XYLB: variants seen among roughly 807,000 people sequenced by gnomAD.
The protein encoded by XYLB is xylulose kinase.
In XYLB, 62 loss-of-function variants were observed where a neutral mutation model predicts 78.7. The ratio of observed to expected loss-of-function variants is 0.79; its 90% CI spans 0.64 to 0.97. The LOEUF (loss-of-function observed/expected upper bound fraction) is 0.97, where lower values mean the gene tolerates loss of function less well. XYLB is among the 50% of genes least tolerant of loss of function. The probability of loss-of-function intolerance (pLI) is 0.00; values close to 1 mark genes in which losing one functional copy is unlikely to be tolerated. For synonymous variants in XYLB, 245 were observed against 247.4 expected (o/e 0.99, Z 0.09); for missense variants, 687 against 676.8 (o/e 1.02, Z -0.17).
chr3:38,398,712 C>CTT (rs56266064), intron 17 of XYLB, among the ~76,000 whole-genome samples: 6 of 141,956 alleles, frequency 4.2e-5, no homozygotes, highest in African/African-American at 1.3e-4. Flanking sequence ...GTTACTTTGT[C>CTT]TTTTTTTTTT....
At chr3:38,420,773 C>T (rs949536931), downstream of XYLB, among the ~76,000 whole-genome samples, 6 of 151,876 alleles carry the variant, frequency 4.0e-5, no homozygotes, top group Non-Finnish European at 7.4e-5. Context: ...TGGTAGCAAG[C>T]CCTAACCCTG....
chr3:38,358,991 C>T (rs1436350044), intron 2 of XYLB, among the ~76,000 whole-genome samples: 1 of 152,136 alleles, frequency 6.6e-6, no homozygotes. Context: ...TGTGGAGACT[C>T]CAACGCACCA....
intron 2 of XYLB, among the ~76,000 whole-genome samples, chr3:38,349,991 C>A (rs2588453): frequency 0.92 from 140,446 of 152,198 alleles, 65,400 homozygotes; most frequent in East Asian, 1. Flanking sequence ...CAATCCAAGG[C>A]CCTCGGGGTT....
At chr3:38,404,574 T>C (rs750899122) in intron 18 of XYLB, among the ~76,000 whole-genome samples, 14 of 152,162 alleles carry the variant, frequency 9.2e-5, no homozygotes, top group Non-Finnish European at 1.6e-4. Flanking sequence ...CCCAGCACTT[T>C]CGGAGGCCGA....
chr3:38,368,029 A>T (rs1327670000), intron 7 of XYLB, among the ~76,000 whole-genome samples, 156 bp from the exon 8 acceptor site: 2 of 152,208 alleles, frequency 1.3e-5, no homozygotes, highest in African/African-American at 2.4e-5. Context: ...AGCTGCTCCT[A>T]TCTGAGATGC....
At chr3:38,348,346 T>G (rs1421786424) in intron 1 of XYLB, among the ~76,000 whole-genome samples, 4 of 152,176 alleles carry the variant, frequency 2.6e-5, no homozygotes, top group Non-Finnish European at 4.4e-5. Flanking sequence ...TAGCCTCAGT[T>G]TCTTCATTTT....
chr3:38,408,562 C>CA (rs1708431798), intron 18 of XYLB, among the ~76,000 whole-genome samples: 4 of 151,588 alleles, frequency 2.6e-5, no homozygotes, highest in East Asian at 1.9e-4. Context: ...AATACAGACA[C>CA]AAAAAAACCC....
chr3:38,448,902 T>C, the XYLB span, among the ~76,000 whole-genome samples: 2 of 152,156 alleles, frequency 1.3e-5, no homozygotes, highest in Non-Finnish European at 2.9e-5. Context: ...GGTTCTCAGG[T>C]ATGTCATATA....
intron 15 of XYLB, among the ~76,000 whole-genome samples, chr3:38,391,376 A>G (rs1707648645): frequency 6.6e-6 from 1 of 152,034 alleles, no homozygotes; most frequent in Admixed American, 6.5e-5. Flanking sequence ...GGAATTCTTT[A>G]TGGTTTTGCC....
chr3:38,356,049 A>C, intron 2 of XYLB: 1 of 402,088 alleles, frequency 2.5e-6, no homozygotes, highest in South Asian at 4.0e-5. Flanking sequence ...CAGGAGATCG[A>C]GACCATCCTG....
chr3:38,364,818 G>A (rs1255327976), intron 4 of XYLB, among the ~76,000 whole-genome samples: 1 of 152,148 alleles, frequency 6.6e-6, no homozygotes, highest in Non-Finnish European at 1.5e-5. Flanking sequence ...CGCAAGCCTG[G>A]CATGATCTAT....
intron 3 of XYLB, among the ~76,000 whole-genome samples, chr3:38,362,312 C>G (rs191474522): frequency 6.6e-6 from 1 of 152,312 alleles, no homozygotes; most frequent in Admixed American, 6.5e-5. Context: ...GATCATGGCT[C>G]ACTATAGCCT....
chr3:38,423,467 C>G (rs1709040752), downstream of XYLB, among the ~76,000 whole-genome samples: 1 of 152,170 alleles, frequency 6.6e-6, no homozygotes, highest in African/African-American at 2.4e-5. Context: ...AGCATTGCAG[C>G]CTGGACTGCC....
chr3:38,427,704 T>A, the XYLB span, among the ~76,000 whole-genome samples: 3 of 152,180 alleles, frequency 2.0e-5, no homozygotes. Context: ...GCAATTCTTC[T>A]GCCTCAGCCT....
In XYLB at chr3:38,375,269, G is replaced by T. The variant is rs1416359506; in HGVS notation, c.1004+10G>T. 1 of 1,612,854 alleles carries T rather than the reference G, an allele frequency of 6.2e-7. No individual in the cohort carries two copies. Among genetic ancestry groups the T allele is most frequent in the Admixed American group, 1.7e-5 (1 of 59,996 alleles). On this transcript the variant is annotated intron_variant, in intron 12 of 18. Coordinates refer to ENST00000207870, the MANE Select transcript of XYLB (RefSeq NM_005108.4). ...ACATGGCACTCCTGTGGTGAGCTTGGGTGTTGGTTGGCACCATTCCCTGGG... is the reference window on the plus strand; with the variant it reads ...ACATGGCACTCCTGTGGTGAGCTTGTGTGTTGGTTGGCACCATTCCCTGGG...
downstream of XYLB, among the ~76,000 whole-genome samples, chr3:38,424,623 C>G (rs1709065454): frequency 6.6e-6 from 1 of 152,152 alleles, no homozygotes; most frequent in African/African-American, 2.4e-5. Context: ...TCCAGACGCC[C>G]TATACTTCAG....
Position 38,346,945 on chromosome 3 carries a change from G to C in XYLB, c.57+20G>C, listed in dbSNP as rs1385288773. ...CAGCAGGTACAGTCGCCTGGCCGCA[G>C]GGCCACGGGGCCGCCTCCTCCGCTT... On this transcript the variant is annotated intron_variant, in intron 1 of 18. Coordinates refer to ENST00000207870, the MANE Select transcript of XYLB (RefSeq NM_005108.4). The C allele has an allele frequency of 1.4e-6, 2 of 1,448,718 alleles. No homozygotes were observed. Among genetic ancestry groups the C allele is most frequent in the Non-Finnish European group, 1.8e-6 (2 of 1,095,966 alleles). 89.7% of individuals were successfully genotyped at this position (1,448,718 alleles called of 1,614,324 possible).
At chr3:38,394,833 C>T (rs1324507639) in intron 15 of XYLB, among the ~76,000 whole-genome samples, 1 of 152,180 alleles carries the variant, frequency 6.6e-6, no homozygotes, top group Admixed American at 6.5e-5. Flanking sequence ...CAGGCTGGCT[C>T]ACTCATGTGG....
intron 15 of XYLB, among the ~76,000 whole-genome samples, chr3:38,393,628 C>G (rs560599561): frequency 2.5e-4 from 38 of 152,308 alleles, no homozygotes; most frequent in African/African-American, 8.9e-4. Flanking sequence ...GGCTAAAAGT[C>G]TGCGATCAAG....
Sources: gnomAD v4.1 joint callset for allele counts (sites outside exome capture counted in the v4.1 genomes callset) on GRCh38, gnomAD v4.1.1 for gene constraint, MANE v1.5 for transcripts, NCBI Gene and HGNC (gene_info 2026-07-23, HGNC 2026-07-21) for gene names.